UBE2D3: variants seen among roughly 807,000 people sequenced by gnomAD.
UBE2D3 encodes ubiquitin-conjugating enzyme E2 D3.
Under a neutral mutation model 22.8 loss-of-function variants are expected in UBE2D3, and 2 were observed. That is an observed-to-expected ratio of 0.09 (90% CI 0.04 to 0.28). UBE2D3 has a LOEUF of 0.28. Among genes scored for constraint, UBE2D3 ranks in the 10% least tolerant of loss-of-function variants. The pLI, the probability that UBE2D3 is intolerant of heterozygous loss-of-function variation, is 1.00. For missense variants in UBE2D3, 27 were observed against 182.5 expected (o/e 0.15, Z 4.91); for synonymous variants, 56 against 60.4 (o/e 0.93, Z 0.34).
intron 2 of UBE2D3, 120 bp downstream of exon 2, chr4:102,826,365 T>C (rs1560873986): frequency 3.1e-6 from 4 of 1,271,590 alleles, no homozygotes; most frequent in African/African-American, 3.0e-5. Flanking sequence ...CATCCCCCCA[T>C]GGAAGAAGTG....
upstream of UBE2D3, chr4:102,868,886 A>T: frequency 6.7e-7 from 1 of 1,488,034 alleles, no homozygotes; most frequent in South Asian, 1.2e-5. Flanking sequence ...GCGCCTCGGC[A>T]GTCCGCCGCG....
upstream of UBE2D3, among the ~76,000 whole-genome samples, chr4:102,832,406 G>A (rs913572908): frequency 5.8e-4 from 89 of 152,180 alleles, no homozygotes; most frequent in African/African-American, 2.1e-3. Flanking sequence ...TTATTTTGAA[G>A]GGGATGGGAT....
intron 2 of UBE2D3, among the ~76,000 whole-genome samples, chr4:102,820,255 T>A (rs922122331): frequency 1.3e-5 from 2 of 152,204 alleles, no homozygotes; most frequent in African/African-American, 4.8e-5. Context: ...TGTTATGAAA[T>A]GTCTGTATAA....
chr4:102,830,308 T>C (rs1731051589), upstream of UBE2D3, among the ~76,000 whole-genome samples: 1 of 152,184 alleles, frequency 6.6e-6, no homozygotes, highest in African/African-American at 2.4e-5. Context: ...GATGTCCTCA[T>C]TTGAAACAAG....
intron 1 of UBE2D3, among the ~76,000 whole-genome samples, chr4:102,865,289 C>G (rs1733091824): frequency 1.3e-5 from 2 of 151,972 alleles, no homozygotes. Flanking sequence ...GTCAGGAGTT[C>G]AAGACCAGCC....
At chr4:102,814,603 T>A (rs1414300120) in intron 2 of UBE2D3, among the ~76,000 whole-genome samples, 1 of 151,828 alleles carries the variant, frequency 6.6e-6, no homozygotes, top group Non-Finnish European at 1.5e-5. Context: ...GCACCAGGCC[T>A]GCAGTCTTAC....
At chr4:102,802,184 C>T (rs763382195) in intron 5 of UBE2D3, 29 of 160,102 alleles carry the variant, frequency 1.8e-4, no homozygotes, top group Middle Eastern at 6.2e-3. Context: ...TTTACACTTA[C>T]GTATACAAAA....
intron 1 of UBE2D3, chr4:102,843,693 C>T (rs1731889067): frequency 2.0e-5 from 3 of 152,122 alleles, no homozygotes; most frequent in Admixed American, 1.3e-4. Flanking sequence ...GGAAGTTTTT[C>T]AAGGTTCATC....
chr4:102,822,741 C>T (rs1331276933), intron 2 of UBE2D3, among the ~76,000 whole-genome samples: 1 of 63,372 alleles, frequency 1.6e-5, no homozygotes, highest in Non-Finnish European at 2.9e-5. Context: ...CAAGACCATC[C>T]TGGTTAACAC....
At chr4:102,841,413 T>C (rs967477547) in intron 1 of UBE2D3, among the ~76,000 whole-genome samples, 1 of 152,140 alleles carries the variant, frequency 6.6e-6, no homozygotes, top group Non-Finnish European at 1.5e-5. Context: ...TCCAGATTTC[T>C]AAAACTCAGT....
intron 2 of UBE2D3, chr4:102,825,751 C>CT (rs751920479): frequency 2.3e-5 from 11 of 479,210 alleles, no homozygotes; most frequent in South Asian, 1.5e-4. Context: ...CATCGCACCC[C>CT]TTATCCACCC....
At chr4:102,809,469 C>G (rs1295149606) in intron 4 of UBE2D3, 2 of 599,368 alleles carry the variant, frequency 3.3e-6, no homozygotes, top group African/African-American at 1.9e-5. Flanking sequence ...TACTCTAGAA[C>G]GTGAACACAG....
chr4:102,857,009 G>C (rs371534067), intron 1 of UBE2D3, among the ~76,000 whole-genome samples: 18 of 152,214 alleles, frequency 1.2e-4, no homozygotes, highest in African/African-American at 4.1e-4. Flanking sequence ...AAAATTGATA[G>C]AACTATACAG....
intron 4 of UBE2D3, among the ~76,000 whole-genome samples, chr4:102,807,140 C>A (rs544654204): frequency 6.6e-6 from 1 of 152,270 alleles, no homozygotes; most frequent in South Asian, 2.1e-4. Flanking sequence ...AAGTAGTAGT[C>A]CAAAGCAAAA....
At position 102,857,644 on chromosome 4, in the gene UBE2D3, T is replaced by C. The variant is rs956407662; in HGVS notation, c.-129+11071A>G. ...ATTTAGTTTTATTTATGTTCTTAAATTGTTTATTTCCAGATTTCTGTAACA... is the reference window on the plus strand; with the variant it reads ...ATTTAGTTTTATTTATGTTCTTAAACTGTTTATTTCCAGATTTCTGTAACA... On this transcript the variant is annotated intron_variant, in intron 1 of 7. Coordinates refer to the UBE2D3 transcript ENST00000338145. 7.2e-5 allele frequency among the ~76,000 whole-genome samples: 11 copies of C among 152,334 alleles called. No homozygotes were observed. The South Asian group carries it at 2.1e-3, about 29-fold the overall frequency.
At position 102,826,543 on chromosome 4, in the gene UBE2D3, GGT is replaced by G; in HGVS notation, c.-37_-36del. 6.2e-7 allele frequency: 1 copy of G among 1,612,018 alleles called. No individual in the cohort carries two copies. Among genetic ancestry groups the G allele is most frequent in the Non-Finnish European group, 8.5e-7 (1 of 1,179,960 alleles). ...TTGTCGTCTGGCTCCTCACTCTCTC[GGT>G]GTATGCTCAAAGGTCCGGCCAAAAC... On this transcript the variant is annotated 5_prime_UTR_variant, in exon 2 of 8. Coordinates refer to ENST00000453744, the MANE Select transcript of UBE2D3 (RefSeq NM_181891.3).
chr4:102,850,296 G>A (rs949208395), intron 1 of UBE2D3, among the ~76,000 whole-genome samples: 1 of 152,164 alleles, frequency 6.6e-6, no homozygotes, highest in African/African-American at 2.4e-5. Context: ...TATTTCCTGG[G>A]TGCTGGATAC....
chr4:102,813,928 G>A (rs1728426141), intron 2 of UBE2D3, among the ~76,000 whole-genome samples: 1 of 152,106 alleles, frequency 6.6e-6, no homozygotes, highest in Non-Finnish European at 1.5e-5. Context: ...AGTAGACAAG[G>A]AGAATTGTCC....
intron 2 of UBE2D3, among the ~76,000 whole-genome samples, chr4:102,817,672 G>A (rs1369803260): frequency 6.6e-6 from 1 of 152,104 alleles, no homozygotes; most frequent in Non-Finnish European, 1.5e-5. Context: ...AACACGATAT[G>A]GAAAACTAAT....
Sources: gnomAD v4.1 joint callset for allele counts (sites outside exome capture counted in the v4.1 genomes callset) on GRCh38, gnomAD v4.1.1 for gene constraint, MANE v1.5 for transcripts, NCBI Gene and HGNC (gene_info 2026-07-23, HGNC 2026-07-21) for gene names.